Variants in KANSL1 observed in about 807,000 individuals in gnomAD.
KANSL1 encodes KAT8 regulatory NSL complex subunit 1.
In KANSL1, 22 loss-of-function variants were observed where a neutral mutation model predicts 103.6. The ratio of observed to expected loss-of-function variants is 0.21; its 90% CI spans 0.15 to 0.30. The LOEUF is 0.30. Among genes scored for constraint, KANSL1 ranks in the 10% least tolerant of loss-of-function variants. The pLI is 1.00. For synonymous variants in KANSL1, 600 were observed against 527.6 expected, an observed-to-expected ratio of 1.14 and a Z score of -1.88; for missense variants, 1,337 against 1,399.8, an observed-to-expected ratio of 0.96 and a Z score of 0.72.
At chr17:46,093,722 T>A (rs1360991166) in intron 3 of KANSL1, 1 of 152,326 alleles carries the variant, frequency 6.6e-6, no homozygotes, top group Non-Finnish European at 1.5e-5. Context: ...CAAAAAGGCA[T>A]TTTGACCCTT....
intron 1 of KANSL1, among the ~76,000 whole-genome samples, chr17:46,179,689 G>C (rs1440155547): frequency 1.3e-5 from 2 of 152,226 alleles, no homozygotes; most frequent in Non-Finnish European, 2.9e-5. Context: ...ACAAGAGAAT[G>C]GTAATGTGGC....
Position 46,031,325 on chromosome 17 carries a change from G to GAA in KANSL1, c.*149_*150dup. The GAA allele has an allele frequency of 1.3e-6, 1 of 764,520 alleles. No homozygotes were observed. Among genetic ancestry groups the GAA allele is most frequent in the Non-Finnish European group, 2.0e-6 (1 of 488,920 alleles). 47.4% of individuals were successfully genotyped at this position (764,520 alleles called of 1,614,324 possible). A position where few individuals can be genotyped will look rare whatever the true frequency, so the allele number is the denominator to read the frequency against. ...AAAAACAAAACAAAAATTAAAACAAGAAAAAAAAATACCAAAGTAGGATCT... is the reference window on the plus strand; with the variant it reads ...AAAAACAAAACAAAAATTAAAACAAGAAAAAAAAAAATACCAAAGTAGGATCT... On this transcript the variant is annotated 3_prime_UTR_variant, in exon 15 of 15. Transcript: ENST00000432791.
chr17:46,126,208 G>A (rs965855906), intron 2 of KANSL1, among the ~76,000 whole-genome samples: 2 of 152,242 alleles, frequency 1.3e-5, no homozygotes, highest in South Asian at 2.1e-4. Flanking sequence ...TTGGGAGGCC[G>A]AGTCAGGCGG....
intron 2 of KANSL1, among the ~76,000 whole-genome samples, chr17:46,140,532 A>C (rs1422075464): frequency 6.6e-6 from 1 of 152,196 alleles, no homozygotes; most frequent in African/African-American, 2.4e-5. Flanking sequence ...AAAGAAACAA[A>C]AAAAAAACAT....
At chr17:46,089,099 T>C (rs1269103620) in intron 3 of KANSL1, among the ~76,000 whole-genome samples, 1 of 152,248 alleles carries the variant, frequency 6.6e-6, no homozygotes, top group African/African-American at 2.4e-5. Flanking sequence ...CGAACATACA[T>C]GAGTAAACCT....
At chr17:46,062,114 C>CAAAAAAAAAAAAAAAAAAAAAAAAA (rs1192815524) in intron 6 of KANSL1, among the ~76,000 whole-genome samples, 4 of 37,120 alleles carry the variant, frequency 1.1e-4, no homozygotes, top group African/African-American at 2.0e-4. Context: ...AAAAAACAAA[C>CAAAAAAAAAAAAAAAAAAAAAAAAA]AAACAAAAAA....
intron 6 of KANSL1, among the ~76,000 whole-genome samples, chr17:46,064,703 T>G (rs1357310967): frequency 2.0e-5 from 3 of 152,082 alleles, no homozygotes; most frequent in Non-Finnish European, 4.4e-5. Context: ...TTCTTCTACT[T>G]TATTCGTCAC....
At chr17:46,207,834 G>C (rs1231282697) in intron 1 of KANSL1, among the ~76,000 whole-genome samples, 3 of 152,088 alleles carry the variant, frequency 2.0e-5, no homozygotes, top group Admixed American at 2.0e-4. Flanking sequence ...AAAAAGGCCA[G>C]GTACAGTGGC....
At chr17:46,169,607 TAGC>T (rs2046178545) in intron 2 of KANSL1, 1 of 152,242 alleles carries the variant, frequency 6.6e-6, no homozygotes, top group African/African-American at 2.4e-5. Context: ...AGCCAGCCTC[TAGC>T]AAAGAGAAAA....
At chr17:46,161,689 G>A (rs2045752105) in intron 2 of KANSL1, among the ~76,000 whole-genome samples, 1 of 152,184 alleles carries the variant, frequency 6.6e-6, no homozygotes, top group Non-Finnish European at 1.5e-5. Flanking sequence ...TTAGGCCTAA[G>A]TAAAACAACT....
chr17:46,048,463 G>C (rs2077592519), intron 7 of KANSL1, among the ~76,000 whole-genome samples: 2 of 152,128 alleles, frequency 1.3e-5, no homozygotes, highest in South Asian at 4.2e-4. Context: ...CCAGCTACTT[G>C]GGAGGCTGAG....
intron 1 of KANSL1, among the ~76,000 whole-genome samples, chr17:46,191,129 T>C (rs2047298614): frequency 6.6e-6 from 1 of 152,242 alleles, no homozygotes; most frequent in Non-Finnish European, 1.5e-5. Context: ...CTTCGTATTT[T>C]ATAAAATAGG....
Position 46,067,673 on chromosome 17 carries a change from TAAGA to T in KANSL1, c.1534-10_1534-7del. The T allele has an allele frequency of 6.9e-7, 1 of 1,453,514 alleles. No homozygotes were observed. Among genetic ancestry groups the T allele is most frequent in the African/African-American group, 1.4e-5 (1 of 71,378 alleles). The allele number at this position is 1,453,514 out of a possible 1,614,324, so 90.0% of individuals were successfully genotyped here. A position where few individuals can be genotyped will look rare whatever the true frequency, so the allele number is the denominator to read the frequency against. ...GGCTGAGAAACAGACTCAATCTGAT[TAAGA>T]AAAAGGAAAAAAGAAATTAACATGT... On this transcript the variant is annotated splice_region_variant and splice_polypyrimidine_tract_variant and intron_variant, in intron 4 of 14. Coordinates refer to ENST00000432791, the MANE Select transcript of KANSL1 (RefSeq NM_015443.4).
chr17:46,091,292 T>A (rs1453026837), intron 3 of KANSL1, among the ~76,000 whole-genome samples: 1 of 152,236 alleles, frequency 6.6e-6, no homozygotes, highest in Non-Finnish European at 1.5e-5. Flanking sequence ...AAGAAAATAT[T>A]TTTGTACAAT....
rs781496064 is a variant in KANSL1 at position 46,171,372 on chromosome 17, A to G, written c.772T>C (p.Leu258=). ...LSPGTDSSSN[L]GGVKLEGKKS... ...TTACCCTCCAATTTGACACCCCCCA[A>G]GTTAGAGCTGGAGTCTGTACCAGGT... The change falls in exon 2 of 15, where the codon TTG becomes CTG. Residue 258 remains leucine (L), a synonymous_variant. Transcript: ENST00000432791. 1.9e-6 allele frequency: 3 copies of G among 1,614,162 alleles called. No homozygotes were observed. The highest frequency in any genetic ancestry group is 2.2e-5 in the South Asian group (2 of 91,084).
chr17:46,087,299 T>A (rs540697255), intron 3 of KANSL1, among the ~76,000 whole-genome samples: 76 of 152,290 alleles, frequency 5.0e-4, no homozygotes, highest in African/African-American at 1.7e-3. Flanking sequence ...CCATACACTG[T>A]CCATTGCCCC....
At chr17:46,120,515 C>T (rs1035593370) in intron 2 of KANSL1, among the ~76,000 whole-genome samples, 2 of 152,058 alleles carry the variant, frequency 1.3e-5, no homozygotes, top group African/African-American at 4.8e-5. Flanking sequence ...CAAGTGGGAG[C>T]GAGGGGCAAG....
chr17:46,194,155 G>GC (rs2047523347), upstream of KANSL1, among the ~76,000 whole-genome samples: 1 of 152,230 alleles, frequency 6.6e-6, no homozygotes, highest in African/African-American at 2.4e-5. Flanking sequence ...GGAAGTGATG[G>GC]CCCCGCCGGC....
chr17:46,188,109 CT>C (rs1384558452), intron 1 of KANSL1, among the ~76,000 whole-genome samples: 1 of 152,326 alleles, frequency 6.6e-6, no homozygotes, highest in Admixed American at 6.5e-5. Flanking sequence ...TAGTTACCCC[CT>C]GCCATACTAG....
Sources: allele counts gnomAD v4.1 joint callset (sites outside exome capture counted in the v4.1 genomes callset), GRCh38; gene constraint gnomAD v4.1.1; transcripts MANE v1.5; gene names NCBI Gene and HGNC (gene_info 2026-07-23, HGNC 2026-07-21).